TMPRSS6: variants seen among roughly 807,000 people sequenced by gnomAD.
The protein encoded by TMPRSS6 is transmembrane protease serine 6.
Under a neutral mutation model 101.5 loss-of-function variants are expected in TMPRSS6, and 67 were observed. The ratio of observed to expected loss-of-function variants is 0.66; its 90% CI spans 0.54 to 0.81. TMPRSS6 has a LOEUF of 0.81. TMPRSS6 is among the 30% of genes least tolerant of loss of function. TMPRSS6 has a pLI of 0.00. For missense variants in TMPRSS6, 1,034 were observed against 1,088.7 expected, an observed-to-expected ratio of 0.95 and a Z score of 0.71; for synonymous variants, 453 against 464.9, an observed-to-expected ratio of 0.97 and a Z score of 0.33.
intron 9 of TMPRSS6, 104 bp downstream of exon 9, chr22:37,084,623 C>T (rs192685413): frequency 2.2e-4 from 225 of 1,045,316 alleles, no homozygotes; most frequent in African/African-American, 2.0e-3. Context: ...AGCCTGTGGG[C>T]GCTTCAGCAG....
intron 6 of TMPRSS6, among the ~76,000 whole-genome samples, chr22:37,092,534 C>T (rs2743822): frequency 0.43 from 64,170 of 147,914 alleles, 13,882 homozygotes; most frequent in African/African-American, 0.49. Flanking sequence ...TTTGCTCTTG[C>T]TGCCCAGGCT....
At chr22:37,097,695 ACCGTCTTGTAACAGAGGGGCAGGAGCG>A in intron 3 of TMPRSS6, among the ~76,000 whole-genome samples, 1 of 145,664 alleles carries the variant, frequency 6.9e-6, no homozygotes, top group African/African-American at 2.6e-5. Context: ...GGAGCGGGCC[ACCGTCTTGTAACAGAGGGGCAGGAGCG>A]GGCCACCGTC....
chr22:37,071,625 G>A (rs1926917105), intron 13 of TMPRSS6, among the ~76,000 whole-genome samples: 1 of 152,230 alleles, frequency 6.6e-6, no homozygotes, highest in Admixed American at 6.5e-5. Flanking sequence ...GCCTTGGAAG[G>A]CAGGGCCTGC....
chr22:37,080,195 C>G (rs1928152661), intron 10 of TMPRSS6: 1 of 152,332 alleles, frequency 6.6e-6, no homozygotes, highest in Non-Finnish European at 1.5e-5. Flanking sequence ...CACCCCCAGG[C>G]CACTCAAGGG....
rs147405054 is a variant in TMPRSS6 at position 37,102,208 on chromosome 22, G to A, written c.202+1008C>T. ...TGTTTAATGGGATGCTTCTGATCAC[G>A]CAGGCATCTGGGTTGTCCCTCCTGT... is the stretch of plus-strand genomic sequence containing the variant. On this transcript the variant is annotated intron_variant, in intron 2 of 17. Transcript: ENST00000676104. Among the ~76,000 whole-genome samples the A allele has an allele frequency of 6.8e-4, 104 of 152,352 alleles. 1 individual carries two copies. Among genetic ancestry groups the A allele is most frequent in the Middle Eastern group, 6.8e-3 (2 of 294 alleles).
chr22:37,095,717 T>C (rs1257943141), intron 5 of TMPRSS6, 125 bp from the exon 6 acceptor site: 1 of 1,224,030 alleles, frequency 8.2e-7, no homozygotes. Context: ...TTACCCTAAA[T>C]GCCCCCATCC....
Position 37,091,321 on chromosome 22 carries a change from G to A in TMPRSS6, c.632-1539C>T, listed in dbSNP as rs554167876. Among the ~76,000 whole-genome samples the A allele has an allele frequency of 6.6e-5, 10 of 152,316 alleles. 1 individual carries two copies. The South Asian group carries it at 2.1e-3, about 32-fold the overall frequency. On this transcript the variant is annotated intron_variant, in intron 6 of 17. Transcript: ENST00000676104. Reference sequence around the variant, plus strand: ...ATTATAAAACCTGAGTTTTCAGTCTGTTTTCTCTGCTTTAAATCGTCTTCT... The same window carrying A: ...ATTATAAAACCTGAGTTTTCAGTCTATTTTCTCTGCTTTAAATCGTCTTCT...
intron 7 of TMPRSS6, among the ~76,000 whole-genome samples, chr22:37,087,034 A>G (rs1017228011): frequency 6.6e-6 from 1 of 152,202 alleles, no homozygotes; most frequent in African/African-American, 2.4e-5. Flanking sequence ...ATTTCCAGAT[A>G]GGGAAACTGA....
At chr22:37,085,654 C>T (rs1300461568) in intron 8 of TMPRSS6, among the ~76,000 whole-genome samples, 5 of 151,974 alleles carry the variant, frequency 3.3e-5, no homozygotes, top group Admixed American at 2.6e-4. Flanking sequence ...CGGGGTGGGA[C>T]GTGCCCTTCC....
chr22:37,094,836 C>G (rs986255262), intron 6 of TMPRSS6, among the ~76,000 whole-genome samples: 1 of 152,188 alleles, frequency 6.6e-6, no homozygotes, highest in African/African-American at 2.4e-5. Flanking sequence ...CGCTCACCCC[C>G]ACCTTGGCTC....
At chr22:37,104,240 C>A (rs946177480) in intron 1 of TMPRSS6, among the ~76,000 whole-genome samples, 5 of 152,138 alleles carry the variant, frequency 3.3e-5, no homozygotes, top group Non-Finnish European at 4.4e-5. Context: ...CTTTTCCTAG[C>A]CCCATTTTCC....
At chr22:37,093,163 T>A (rs1929421166) in intron 6 of TMPRSS6, among the ~76,000 whole-genome samples, 1 of 152,138 alleles carries the variant, frequency 6.6e-6, no homozygotes, top group Non-Finnish European at 1.5e-5. Flanking sequence ...GACTCTGTGC[T>A]CTGGACATGC....
rs746835428 is a variant in TMPRSS6, at chr22:37,084,337, T to C, written c.1154A>G (p.Asp385Gly). The part of the protein sequence containing the change: ...DAYALRRQKY[D>G]LPCTQGQWTI... The stretch of plus-strand genomic sequence containing the variant: ...CCACTGGCCCTGGGTGCACGGCAAA[T>C]CATACTTCTGCCTCCTCAGTGCATA... Residue 385 changes from aspartate to glycine, a missense_variant, in exon 10 of 18, where the codon GAT becomes GGT. Asp to Gly is a moderately conservative substitution (Grantham distance 94). Coordinates refer to ENST00000676104, the MANE Select transcript of TMPRSS6 (RefSeq NM_001374504.1). 1 of 1,613,504 alleles carries C rather than the reference T, an allele frequency of 6.2e-7. No individual in the cohort carries two copies. The highest frequency in any genetic ancestry group is 8.5e-7 in the Non-Finnish European group (1 of 1,179,826).
intron 10 of TMPRSS6, among the ~76,000 whole-genome samples, chr22:37,075,592 C>T (rs557941714): frequency 3.3e-5 from 5 of 152,330 alleles, no homozygotes; most frequent in South Asian, 4.1e-4. Flanking sequence ...TTGAGCCTCA[C>T]CTTCCTCCCT....
At chr22:37,074,289 G>A (rs1927412038) in intron 12 of TMPRSS6, among the ~76,000 whole-genome samples, 2 of 152,330 alleles carry the variant, frequency 1.3e-5, no homozygotes, top group African/African-American at 4.8e-5. Context: ...GGCAGAGGAG[G>A]GGGACATCTC....
intron 2 of TMPRSS6, among the ~76,000 whole-genome samples, chr22:37,100,935 C>T (rs960915723): frequency 2.0e-5 from 3 of 152,096 alleles, no homozygotes; most frequent in Non-Finnish European, 2.9e-5. Flanking sequence ...TGGGGGTGAG[C>T]CCCCGGGTCA....
At chr22:37,094,087 G>A (rs989813656) in intron 6 of TMPRSS6, among the ~76,000 whole-genome samples, 7 of 151,946 alleles carry the variant, frequency 4.6e-5, no homozygotes, top group African/African-American at 1.2e-4. Context: ...GACCAGATTC[G>A]GTGTCCAGGC....
rs964509090 is a variant in TMPRSS6, at chr22:37,069,976, G to T, written c.1841+508C>A. Among the ~76,000 whole-genome samples, 1 of 152,132 alleles carries T rather than the reference G, an allele frequency of 6.6e-6. No individual in the cohort carries two copies. The highest frequency in any genetic ancestry group is 1.5e-5 in the Non-Finnish European group (1 of 68,010). On this transcript the variant is annotated intron_variant, in intron 15 of 17. Coordinates refer to ENST00000676104, the MANE Select transcript of TMPRSS6 (RefSeq NM_001374504.1). This position sits in a 1 kb window ranked among gnomAD's most constrained non-coding sequence, Gnocchi z 4.8. ...GGATCCCTGTGCAGGGCCTGGGGGC[G>T]GGATCTGGAGCCCAGATCTGTCTGG...
At chr22:37,097,383 C>T (rs568242705) in intron 3 of TMPRSS6, among the ~76,000 whole-genome samples, 3 of 152,194 alleles carry the variant, frequency 2.0e-5, no homozygotes, top group African/African-American at 4.8e-5. Context: ...GCCATGAATG[C>T]GCAGTGTAGA....
Sources: allele counts gnomAD v4.1 joint callset (sites outside exome capture counted in the v4.1 genomes callset), GRCh38; gene constraint gnomAD v4.1.1; non-coding constraint Gnocchi (gnomAD v3.1); transcripts MANE v1.5; gene names NCBI Gene and HGNC (gene_info 2026-07-23, HGNC 2026-07-21).